The following TRPM6 variants were observed in gnomAD, a reference collection of about 807,000 sequenced individuals.
TRPM6 encodes the protein channel kinase 2.
In TRPM6, 111 loss-of-function variants were observed where a neutral mutation model predicts 247.6. That is an observed-to-expected ratio of 0.45 (90% confidence interval 0.38 to 0.52). The LOEUF is 0.52. Ranked by LOEUF, TRPM6 falls within the 20% of genes least tolerant of loss-of-function variation. TRPM6 has a pLI of 0.00. For missense variants in TRPM6, 2,126 were observed against 2,421.5 expected (o/e 0.88, Z 2.56); for synonymous variants, 892 against 853.8 (o/e 1.04, Z -0.78).
In TRPM6 at chr9:74,739,748, C is replaced by T; in HGVS notation, c.5462G>A (p.Ser1821Asn). ...VRTWHKIFQE[S>N]TVLHLCLREI... is the part of the protein sequence containing the mutation. ...CCTGAGGCAAAGATGAAGCACAGTG[C>T]TCTCCTGGAAGATTTTATGCCATGT... The change falls in exon 34 of 39, where the codon AGC becomes AAC. Residue 1821 changes from serine to asparagine, a missense_variant. Physicochemically the swap from Ser to Asn is conservative, Grantham distance 46 (BLOSUM62 1). This residue lies in a region of TRPM6 where 327 missense variants were observed against 397.7 expected (regional missense o/e 0.82). Coordinates refer to ENST00000360774, the MANE Select transcript of TRPM6 (RefSeq NM_017662.5). 6.2e-7 allele frequency: 1 copy of T among 1,613,514 alleles called. No individual in the cohort carries two copies. Among genetic ancestry groups the T allele is most frequent in the Non-Finnish European group, 8.5e-7 (1 of 1,180,004 alleles).
At chr9:74,865,445 G>A (rs1319749115) in intron 1 of TRPM6, among the ~76,000 whole-genome samples, 1 of 152,188 alleles carries the variant, frequency 6.6e-6, no homozygotes, top group Non-Finnish European at 1.5e-5. Context: ...GATAAAAAGG[G>A]AAGAGGAAAT....
intron 3 of TRPM6, among the ~76,000 whole-genome samples, chr9:74,853,101 C>T (rs1278297436): frequency 1.3e-5 from 2 of 151,328 alleles, no homozygotes; most frequent in Non-Finnish European, 2.9e-5. Context: ...TGCCCGGCCG[C>T]GACCCCGTCT....
chr9:74,805,172 G>A (rs1454409257), intron 14 of TRPM6, among the ~76,000 whole-genome samples: 1 of 152,150 alleles, frequency 6.6e-6, no homozygotes, highest in Non-Finnish European at 1.5e-5. Context: ...CCATAAACAG[G>A]ATGCTTTTGG....
intron 14 of TRPM6, 110 bp downstream of exon 14, chr9:74,807,923 TA>T: frequency 1.6e-6 from 2 of 1,227,522 alleles, no homozygotes; most frequent in Non-Finnish European, 2.4e-6. Flanking sequence ...TGTCCATAAA[TA>T]AAATGACCAT....
rs549831137 is a variant in TRPM6 at position 74,858,807 on chromosome 9, A to T, written c.34-59T>A. The T allele has an allele frequency of 1.9e-5, 26 of 1,384,330 alleles. No homozygotes were observed. In the African/African-American group the frequency reaches 3.4e-4, roughly 18 times the overall value. The allele number at this position is 1,384,330 out of a possible 1,614,324, so 85.8% of individuals were successfully genotyped here. A position where few individuals can be genotyped will look rare whatever the true frequency, so the allele number is the denominator to read the frequency against. ...TTATGTGACAAAACAATGTAACCAT[A>T]GTAGTTCCTGCAGGTAAGAAATACT... On this transcript the variant is annotated intron_variant, in intron 1 of 38. Coordinates refer to ENST00000360774, the MANE Select transcript of TRPM6 (RefSeq NM_017662.5).
At chr9:74,788,764 C>A (rs777079423) in intron 19 of TRPM6, 22 bp from the exon 20 acceptor site, 1 of 1,612,632 alleles carries the variant, frequency 6.2e-7, no homozygotes, top group South Asian at 1.1e-5. Context: ...ACACACATTC[C>A]CCAGATGTGA....
intron 1 of TRPM6, among the ~76,000 whole-genome samples, chr9:74,883,875 T>C (rs1315393138): frequency 6.6e-6 from 1 of 152,096 alleles, no homozygotes; most frequent in Admixed American, 6.5e-5. Context: ...ATAGATCGGG[T>C]GCAGTGGCTC....
chr9:74,785,725 C>G lies in TRPM6; in HGVS notation c.2919+149G>C, dbSNP rs113730181. The G allele has an allele frequency of 2.0e-3, 1,707 of 871,826 alleles. 10 individuals carry two copies. Among genetic ancestry groups the G allele is most frequent in the African/African-American group, 7.1e-3 (419 of 59,384 alleles). The allele number at this position is 871,826 out of a possible 1,614,324, so 54.0% of individuals were successfully genotyped here. ...TTTTTAGTAGAGACGGGGTTTCACCCTGTTAGCCAGGATGTTCTTGATCTC... is the reference window on the plus strand; with the variant it reads ...TTTTTAGTAGAGACGGGGTTTCACCGTGTTAGCCAGGATGTTCTTGATCTC... On this transcript the variant is annotated intron_variant, in intron 21 of 38. Transcript: ENST00000360774.
At chr9:74,778,483 C>T (rs1827303459) in intron 23 of TRPM6, among the ~76,000 whole-genome samples, 1 of 152,208 alleles carries the variant, frequency 6.6e-6, no homozygotes, top group South Asian at 2.1e-4. Flanking sequence ...CTTTGTGCTG[C>T]CTCCATAATA....
At position 74,762,995 on chromosome 9, in the gene TRPM6, A is replaced by T; in HGVS notation, c.3676T>A (p.Ser1226Thr). ...TCCTCTTGCAAAGTGTCAACAGCAG[A>T]AAGGACTTTCAGGGTATCCACAGTC... is the stretch of plus-strand genomic sequence containing the variant. Reference protein sequence around the residue: ...ALTVDTLKVLSAVDTLQEDEA... With the variant: ...ALTVDTLKVLTAVDTLQEDEA... Residue 1226 changes from serine to threonine, a missense_variant, in exon 26 of 39, where the codon TCT becomes ACT. Coordinates refer to ENST00000360774, the MANE Select transcript of TRPM6 (RefSeq NM_017662.5). 6.2e-7 allele frequency: 1 copy of T among 1,613,038 alleles called. No individual in the cohort carries two copies. Among genetic ancestry groups the T allele is most frequent in the Non-Finnish European group, 8.5e-7 (1 of 1,179,116 alleles).
At chr9:74,790,463 C>T (rs1314220777) in intron 19 of TRPM6, among the ~76,000 whole-genome samples, 2 of 152,106 alleles carry the variant, frequency 1.3e-5, no homozygotes, top group Admixed American at 1.3e-4. Flanking sequence ...AGGTTCAGAC[C>T]TTAGCCCATT....
intron 3 of TRPM6, among the ~76,000 whole-genome samples, chr9:74,849,571 C>T (rs1356976469): frequency 3.9e-5 from 6 of 152,056 alleles, no homozygotes; most frequent in Non-Finnish European, 8.8e-5. Flanking sequence ...TTTCTGACCT[C>T]CAGAACTGTG....
chr9:74,804,703 TGGAAGACC>T (rs1828472207), intron 14 of TRPM6: 2 of 822,846 alleles, frequency 2.4e-6, no homozygotes, highest in Admixed American at 3.5e-5. Flanking sequence ...CAGCCTGCCA[TGGAAGACC>T]GGTCTGCAGC....
chr9:74,800,838 ACTTATACATAGG>A (rs939179975), intron 16 of TRPM6, among the ~76,000 whole-genome samples: 3 of 151,072 alleles, frequency 2.0e-5, no homozygotes, highest in African/African-American at 7.3e-5. Context: ...TTGGTTTGGG[ACTTATACATAGG>A]CTTATACATA....
At chr9:74,833,728 A>T (rs1174970269) in intron 6 of TRPM6, among the ~76,000 whole-genome samples, 1 of 152,186 alleles carries the variant, frequency 6.6e-6, no homozygotes, top group East Asian at 1.9e-4. Context: ...CAGATTTTAG[A>T]TATATTTTTA....
At chr9:74,847,493 A>G (rs1215584210) in intron 3 of TRPM6, among the ~76,000 whole-genome samples, 3 of 152,060 alleles carry the variant, frequency 2.0e-5, no homozygotes, top group Admixed American at 2.0e-4. Context: ...TGCATTCAAT[A>G]TTGTCAAAGG....
intron 3 of TRPM6, 51 bp from the exon 4 acceptor site, chr9:74,842,394 C>T (rs1412929493): frequency 1.9e-6 from 3 of 1,578,724 alleles, no homozygotes; most frequent in South Asian, 1.1e-5. Flanking sequence ...AAAATAGATG[C>T]AATATGTCTA....
At chr9:74,817,061 T>A in intron 9 of TRPM6, 97 bp from the exon 10 acceptor site, 1 of 1,095,806 alleles carries the variant, frequency 9.1e-7, no homozygotes, top group Non-Finnish European at 1.4e-6. Context: ...GCTAATGAAT[T>A]GAGGAAAACA....
rs1399847790 is a variant in TRPM6 at position 74,791,602 on chromosome 9, T to C, written c.2538+1022A>G. ...TTCTCTGTAGCTCTACTATCCATAA[T>C]AGATTTAGTATTTGTTCACACAGTT... On this transcript the variant is annotated intron_variant, in intron 19 of 38. Transcript: ENST00000360774. Among the ~76,000 whole-genome samples, 7 of 151,884 alleles carry C rather than the reference T, an allele frequency of 4.6e-5. No homozygotes were observed. The East Asian group carries it at 7.7e-4, about 17-fold the overall frequency.
Sources: allele counts gnomAD v4.1 joint callset (sites outside exome capture counted in the v4.1 genomes callset), GRCh38; gene constraint gnomAD v4.1.1; regional missense constraint gnomAD v4.1.1; transcripts MANE v1.5; gene names NCBI Gene and HGNC (gene_info 2026-07-23, HGNC 2026-07-21).